Variants in RPS6KA6 observed in about 807,000 individuals in gnomAD.
RPS6KA6 encodes the protein ribosomal protein S6 kinase alpha-6.
Under a neutral mutation model 65.4 loss-of-function variants are expected in RPS6KA6, and 27 were observed. That is an observed-to-expected ratio of 0.41 (90% CI 0.30 to 0.57). The LOEUF (loss-of-function observed/expected upper bound fraction) is 0.57, where lower values mean the gene tolerates loss of function less well. RPS6KA6 is among the 20% of genes least tolerant of loss of function. The pLI is 0.24. For synonymous variants in RPS6KA6, 190 were observed against 184.2 expected (o/e 1.03, Z -0.26); for missense variants, 486 against 555.6 (o/e 0.87, Z 1.26).
At chrX:84,101,459 T>A (rs2034257784) in intron 18 of RPS6KA6, among the ~76,000 whole-genome samples, 1 of 110,478 alleles carries the variant, frequency 9.1e-6, no homozygotes, top group South Asian at 3.8e-4. Context: ...ACCCTAATAT[T>A]TAGATATAAA....
At chrX:84,131,358 T>C (rs2034893347) in intron 8 of RPS6KA6, among the ~76,000 whole-genome samples, 1 of 112,681 alleles carries the variant, frequency 8.9e-6, no homozygotes, top group Non-Finnish European at 1.9e-5. Flanking sequence ...TCTTAGATAA[T>C]AGCTTAATGT....
Position 84,134,810 on chromosome X carries a change from A to G in RPS6KA6, c.618T>C (p.Leu206=). 8.8e-7 allele frequency: 1 copy of G among 1,134,768 alleles called. No homozygotes were observed. Among genetic ancestry groups the G allele is most frequent in the Non-Finnish European group, 1.2e-6 (1 of 844,700 alleles). 93.5% of individuals were successfully genotyped at this position (1,134,768 alleles called of 1,213,427 possible). A position where few individuals can be genotyped will look rare whatever the true frequency, so the allele number is the denominator to read the frequency against. The change falls in exon 8 of 22, where the codon CTT becomes CTC. Residue 206 remains leucine, a synonymous_variant. Coordinates refer to ENST00000262752, the MANE Select transcript of RPS6KA6 (RefSeq NM_014496.5). The stretch of plus-strand genomic sequence containing the variant: ...TTAATTTGATATGTCCTATTTCATC[A>G]AGCAAAATGCTGTAAATCAAAATTC... ...YRDLKPENIL[L]DEIGHIKLTD... is the part of the protein sequence containing the mutation.
At chrX:84,117,255 T>C (rs2034585995) in intron 10 of RPS6KA6, 107 bp from the exon 11 acceptor site, 1 of 656,112 alleles carries the variant, frequency 1.5e-6, no homozygotes, top group East Asian at 3.6e-5. Flanking sequence ...TACAGTCCTG[T>C]ATATGGTAGA....
intron 1 of RPS6KA6, chrX:84,186,686 T>C (rs1347450590): frequency 9.0e-6 from 1 of 110,787 alleles, no homozygotes; most frequent in African/African-American, 3.3e-5. Context: ...AACAGCCAAA[T>C]GTGTATTTTT....
At chrX:84,094,744 A>T (rs1239693012) in intron 20 of RPS6KA6, among the ~76,000 whole-genome samples, 1 of 111,968 alleles carries the variant, frequency 8.9e-6, no homozygotes, top group African/African-American at 3.2e-5. Context: ...ATGTTAACGG[A>T]GATAACTGAC....
At chrX:84,125,253 G>T (rs1254206927) in intron 8 of RPS6KA6, among the ~76,000 whole-genome samples, 4 of 111,578 alleles carry the variant, frequency 3.6e-5, no homozygotes, top group Non-Finnish European at 7.5e-5. Flanking sequence ...AAAATGCAGG[G>T]AATATTATTA....
Position 84,059,756 on chromosome X carries a change from A to C in RPS6KA6, c.*4521T>G, listed in dbSNP as rs1301663661. On this transcript the variant is annotated 3_prime_UTR_variant, in exon 22 of 22. Transcript: ENST00000262752. ...ATTACAGCAAAACAGTCATCCACAG[A>C]AGCTCTATTGTCCAGCGTTTAGAAA... 1 of 112,036 alleles carries C rather than the reference A, an allele frequency of 8.9e-6. No homozygotes were observed. Among genetic ancestry groups the C allele is most frequent in the African/African-American group, 3.2e-5 (1 of 30,843 alleles). 9.2% of individuals were successfully genotyped at this position (112,036 alleles called of 1,213,427 possible). A position where few individuals can be genotyped will look rare whatever the true frequency, so the allele number is the denominator to read the frequency against.
At chrX:84,086,785 T>C (rs2033932187) in intron 20 of RPS6KA6, among the ~76,000 whole-genome samples, 1 of 111,267 alleles carries the variant, frequency 9.0e-6, no homozygotes, top group South Asian at 3.8e-4. Context: ...ACTATTATTG[T>C]GTGGGAGTCT....
intron 2 of RPS6KA6, among the ~76,000 whole-genome samples, chrX:84,161,498 A>G (rs1004839465): frequency 3.6e-5 from 4 of 111,475 alleles, no homozygotes; most frequent in Non-Finnish European, 7.6e-5. Flanking sequence ...TCAGCATTGC[A>G]AGAGAAAAAA....
At chrX:84,150,407 C>CAG (rs1371445434) in intron 3 of RPS6KA6, among the ~76,000 whole-genome samples, 1 of 111,715 alleles carries the variant, frequency 9.0e-6, no homozygotes, top group East Asian at 2.8e-4. Context: ...CAGATTTTGA[C>CAG]ATGCCTTCCT....
At chrX:84,145,421 A>C in intron 6 of RPS6KA6, 57 bp downstream of exon 6, 1 of 748,768 alleles carries the variant, frequency 1.3e-6, no homozygotes, top group Non-Finnish European at 2.0e-6. Flanking sequence ...GAAGAACAAA[A>C]GTGATTTTTC....
At chrX:84,106,149 A>T (rs748935345) in intron 15 of RPS6KA6, among the ~76,000 whole-genome samples, 11 of 111,991 alleles carry the variant, frequency 9.8e-5, no homozygotes, top group Non-Finnish European at 1.9e-4. Flanking sequence ...CATGTATAAC[A>T]AAATTATTCA....
intron 2 of RPS6KA6, among the ~76,000 whole-genome samples, chrX:84,161,301 C>T (rs1415628413): frequency 1.2e-4 from 13 of 111,352 alleles, no homozygotes; most frequent in Non-Finnish European, 7.6e-5. Flanking sequence ...ATAAGTTGAA[C>T]CATCCTGAGT....
At chrX:84,068,347 G>A (rs974223582) in intron 20 of RPS6KA6, among the ~76,000 whole-genome samples, 12 of 111,908 alleles carry the variant, frequency 1.1e-4, no homozygotes, top group South Asian at 3.7e-4. Flanking sequence ...CTCAATAGAC[G>A]CAGAAAAGGC....
chrX:84,125,823 C>T (rs762320033), intron 8 of RPS6KA6, among the ~76,000 whole-genome samples: 1 of 110,391 alleles, frequency 9.1e-6, no homozygotes, highest in African/African-American at 3.3e-5. Flanking sequence ...CACTTCACTC[C>T]AGCCTGGGCG....
chrX:84,106,899 G>A lies in RPS6KA6; in HGVS notation c.1242+11C>T, dbSNP rs773397881. 1.1e-5 allele frequency: 13 copies of A among 1,147,795 alleles called. No homozygotes were observed. Among genetic ancestry groups the A allele is most frequent in the Non-Finnish European group, 1.5e-5 (13 of 851,659 alleles). The allele number at this position is 1,147,795 out of a possible 1,213,427, so 94.6% of individuals were successfully genotyped here. A position where few individuals can be genotyped will look rare whatever the true frequency, so the allele number is the denominator to read the frequency against. On this transcript the variant is annotated intron_variant, in intron 14 of 21. Coordinates refer to ENST00000262752, the MANE Select transcript of RPS6KA6 (RefSeq NM_014496.5). ...TCCCAAAACTGAATAATGTGATTAA[G>A]TGGAATTTACCTGAACAATTGGTAA...
At chrX:84,185,128 A>G (rs2035912422) in intron 1 of RPS6KA6, among the ~76,000 whole-genome samples, 1 of 111,592 alleles carries the variant, frequency 9.0e-6, no homozygotes, top group African/African-American at 3.3e-5. Flanking sequence ...CTTGATCCTG[A>G]CAGAATCCAG....
chrX:84,149,686 C>T (rs2035265336), intron 3 of RPS6KA6, among the ~76,000 whole-genome samples: 2 of 111,054 alleles, frequency 1.8e-5, no homozygotes, highest in Non-Finnish European at 3.8e-5. Context: ...CTTAGCACAC[C>T]ATGCTATAAA....
intron 3 of RPS6KA6, among the ~76,000 whole-genome samples, chrX:84,152,232 C>CT (rs2035339839): frequency 9.0e-6 from 1 of 110,720 alleles, no homozygotes; most frequent in Admixed American, 9.7e-5. Flanking sequence ...TTATGAGTGA[C>CT]TTTCCTAGCA....
Sources: allele counts gnomAD v4.1 joint callset (sites outside exome capture counted in the v4.1 genomes callset), GRCh38; gene constraint gnomAD v4.1.1; transcripts MANE v1.5; gene names NCBI Gene and HGNC (gene_info 2026-07-23, HGNC 2026-07-21).